Variants in PUM1 observed in about 807,000 individuals in gnomAD.
PUM1 encodes pumilio homolog 1.
PUM1 carries 13 observed loss-of-function variants against 131.8 expected under a neutral mutation model. The ratio of observed to expected loss-of-function variants is 0.10; its 90% CI spans 0.06 to 0.16. PUM1 has a LOEUF of 0.16. PUM1 is among the 10% of genes least tolerant of loss of function. The probability of loss-of-function intolerance (pLI) is 1.00; values close to 1 mark genes in which losing one functional copy is unlikely to be tolerated. For missense variants in PUM1, 961 were observed against 1,512.4 expected, an observed-to-expected ratio of 0.64 and a Z score of 6.05; for synonymous variants, 509 against 556.5, an observed-to-expected ratio of 0.91 and a Z score of 1.20.
In PUM1 at chr1:30,992,939, G is replaced by A. The variant is rs537643971; in HGVS notation, c.888-279C>T. Among the ~76,000 whole-genome samples the A allele has an allele frequency of 2.6e-5, 4 of 152,180 alleles. No individual in the cohort carries two copies. In the South Asian group the frequency reaches 6.2e-4, roughly 24 times the overall value. ...AAGGGGGCCGGGTTTGAGGAAAACT[G>A]AAATAAAGTGGAAAAATCACTGTCT... is the stretch of plus-strand genomic sequence containing the variant. On this transcript the variant is annotated intron_variant, in intron 6 of 21. Coordinates refer to ENST00000426105, the MANE Select transcript of PUM1 (RefSeq NM_001020658.2).
chr1:31,013,209 A>G (rs1006069772), intron 3 of PUM1, among the ~76,000 whole-genome samples: 2 of 152,164 alleles, frequency 1.3e-5, no homozygotes, highest in Non-Finnish European at 2.9e-5. Flanking sequence ...TACAAGAACC[A>G]TGATTACGGC....
intron 19 of PUM1, among the ~76,000 whole-genome samples, chr1:30,941,636 A>T (rs1361283608): frequency 6.6e-6 from 1 of 152,214 alleles, no homozygotes; most frequent in Non-Finnish European, 1.5e-5. Context: ...CTAATTATTT[A>T]ATCAGTGGTA....
chr1:31,033,388 T>TTC (rs2124555276), intron 2 of PUM1, among the ~76,000 whole-genome samples: 1 of 67,150 alleles, frequency 1.5e-5, no homozygotes, highest in Non-Finnish European at 3.6e-5. Context: ...TTTTTTTTTT[T>TTC]TTTTTTTTTT....
intron 14 of PUM1, among the ~76,000 whole-genome samples, chr1:30,954,567 C>CA (rs1640071683): frequency 6.6e-6 from 1 of 152,116 alleles, no homozygotes; most frequent in South Asian, 2.1e-4. Flanking sequence ...ATAATGAGTA[C>CA]AAGACAGGAG....
intron 2 of PUM1, among the ~76,000 whole-genome samples, chr1:31,052,955 C>G (rs532862979): frequency 6.6e-6 from 1 of 151,770 alleles, no homozygotes; most frequent in Non-Finnish European, 1.5e-5. Context: ...CCGCCCACCT[C>G]GGCCTCCAAA....
At chr1:31,063,891 G>C (rs1430917876) in intron 1 of PUM1, among the ~76,000 whole-genome samples, 4 of 152,172 alleles carry the variant, frequency 2.6e-5, no homozygotes, top group Non-Finnish European at 5.9e-5. Context: ...CAATTAACAT[G>C]TTATCTTGGG....
In PUM1 at chr1:30,968,388, A is replaced by C. The variant is rs780567159; in HGVS notation, c.1611T>G (p.Leu537=). 6.3e-7 allele frequency: 1 copy of C among 1,588,922 alleles called. No homozygotes were observed. The highest frequency in any genetic ancestry group is 8.6e-7 in the Non-Finnish European group (1 of 1,166,820). Residue 537 remains leucine (L), a synonymous_variant, in exon 11 of 22, where the codon CTT becomes CTG. Transcript: ENST00000426105. ...LVAAAAVNSA[L]AFGQGLAAGM... ...CTGCTGCCAGACCTTGTCCAAATGC[A>C]AGGGCAGAATTCACTGCTGCAGCTG...
intron 2 of PUM1, among the ~76,000 whole-genome samples, chr1:31,032,993 C>T (rs1041345834): frequency 2.0e-5 from 3 of 151,852 alleles, no homozygotes; most frequent in African/African-American, 4.8e-5. Context: ...GTAGTCTCAG[C>T]CACTCGGGAG....
chr1:31,005,258 G>C (rs1642358466), intron 5 of PUM1, among the ~76,000 whole-genome samples: 1 of 152,190 alleles, frequency 6.6e-6, no homozygotes, highest in African/African-American at 2.4e-5. Context: ...TTTAGCATCA[G>C]AGAGGTCAGT....
intron 2 of PUM1, among the ~76,000 whole-genome samples, chr1:31,038,982 A>ATTTTTTTTTTTTTTTTTTTTT (rs1172043445): frequency 3.6e-5 from 1 of 27,976 alleles, no homozygotes. Context: ...ATATATATAT[A>ATTTTTTTTTTTTTTTTTTTTT]TATTTTTTTT....
chr1:30,953,167 A>G (rs192551408), intron 15 of PUM1, among the ~76,000 whole-genome samples: 193 of 152,336 alleles, frequency 1.3e-3, no homozygotes, highest in Non-Finnish European at 2.3e-3. Context: ...GGCAGAACTT[A>G]AGGAGGAGGT....
Position 30,995,474 on chromosome 1 carries a change from A to ATTTTCTTCCTTCCTTTT in PUM1, c.721-271_721-255dup, listed in dbSNP as rs528056987. Among the ~76,000 whole-genome samples, 816 of 151,688 alleles carry ATTTTCTTCCTTCCTTTT rather than the reference A, an allele frequency of 5.4e-3. 9 individuals are homozygous for ATTTTCTTCCTTCCTTTT. The highest frequency in any genetic ancestry group is 0.018 in the African/African-American group (741 of 41,240). Reference sequence around the variant, plus strand: ...ACTATATCCAATGTCCCACCAACCCATTTTCTTCCTTCCTTTTTTTTCTTC... The same window carrying ATTTTCTTCCTTCCTTTT: ...ACTATATCCAATGTCCCACCAACCCATTTTCTTCCTTCCTTTTTTTTCTTCCTTCCTTTTTTTTCTTC... On this transcript the variant is annotated intron_variant, in intron 5 of 21. Coordinates refer to ENST00000426105, the MANE Select transcript of PUM1 (RefSeq NM_001020658.2).
chr1:31,065,646 A>C lies in PUM1; in HGVS notation c.-42T>G. ...GAGCGGTAGGATGAAGATGGATTTC[A>C]GCCCCCCGATCTTCTCTCTCTGGCG... On this transcript the variant is annotated 5_prime_UTR_variant, in exon 1 of 22. Transcript: ENST00000426105. 6.5e-7 allele frequency: 1 copy of C among 1,549,344 alleles called. No homozygotes were observed. Among genetic ancestry groups the C allele is most frequent in the Non-Finnish European group, 8.7e-7 (1 of 1,146,770 alleles).
intron 6 of PUM1, among the ~76,000 whole-genome samples, chr1:30,993,349 A>C (rs1202295511): frequency 3.3e-5 from 5 of 151,844 alleles, no homozygotes; most frequent in African/African-American, 4.8e-5. Flanking sequence ...ATTTAAAAAA[A>C]AAAAAAAAAA....
intron 10 of PUM1, 62 bp from the exon 11 acceptor site, chr1:30,968,554 T>C (rs985096784): frequency 1.3e-6 from 2 of 1,526,648 alleles, no homozygotes; most frequent in Non-Finnish European, 1.8e-6. Context: ...ACCTACCCTA[T>C]GCTCAGGTTG....
chr1:30,979,607 CAAT>C lies in PUM1; in HGVS notation c.1354+452_1354+454del, dbSNP rs772167079. 2.0e-5 allele frequency among the ~76,000 whole-genome samples: 3 copies of C among 151,720 alleles called. No homozygotes were observed. The East Asian group carries it at 5.8e-4, about 29-fold the overall frequency. On this transcript the variant is annotated intron_variant, in intron 9 of 21. Transcript: ENST00000426105. ...ATACTAGGGTAGAAAAAAGGGAAAT[CAAT>C]AAAAGGTTTAAGCAGAAAGATGAAG...
At chr1:30,953,231 C>G (rs996417351) in intron 15 of PUM1, among the ~76,000 whole-genome samples, 11 of 152,120 alleles carry the variant, frequency 7.2e-5, no homozygotes, top group African/African-American at 2.7e-4. Flanking sequence ...GAAACAGAAA[C>G]AGAAATGGGA....
chr1:31,009,846 A>G (rs1200692976), intron 3 of PUM1, among the ~76,000 whole-genome samples: 1 of 151,982 alleles, frequency 6.6e-6, no homozygotes, highest in Non-Finnish European at 1.5e-5. Flanking sequence ...ACCAGCCTCC[A>G]TATGTAAATA....
chr1:30,946,338 T>TA (rs111289458), intron 17 of PUM1, among the ~76,000 whole-genome samples: 36,910 of 145,132 alleles, frequency 0.25, 4,743 homozygotes, highest in Admixed American at 0.3. Flanking sequence ...AGCCTATAAT[T>TA]AAAAAAAAAA....
Sources: gnomAD v4.1 joint callset for allele counts (sites outside exome capture counted in the v4.1 genomes callset) on GRCh38, gnomAD v4.1.1 for gene constraint, MANE v1.5 for transcripts, NCBI Gene and HGNC (gene_info 2026-07-23, HGNC 2026-07-21) for gene names.